Variants in PTRH1 observed in about 807,000 individuals in gnomAD.
PTRH1 encodes the protein peptidyl-tRNA hydrolase 1 homolog, also known as peptidyl-tRNA hydrolase.
PTRH1 carries 13 observed loss-of-function variants against 15.7 expected under a neutral mutation model. The observed-to-expected ratio is 0.83, with a 90% confidence interval of 0.54 to 1.31. The LOEUF (loss-of-function observed/expected upper bound fraction) is 1.31. PTRH1 is among the 40% of genes most tolerant of loss of function. The probability of loss-of-function intolerance (pLI) is 0.00; values close to 1 mark genes in which losing one functional copy is unlikely to be tolerated. For synonymous variants in PTRH1, 139 were observed against 136.7 expected, an observed-to-expected ratio of 1.02 and a Z score of -0.12; for missense variants, 319 against 296.2, an observed-to-expected ratio of 1.08 and a Z score of -0.56.
chr9:127,710,483 T>C, downstream of PTRH1: 1 of 1,282,272 alleles, frequency 7.8e-7, no homozygotes, highest in African/African-American at 1.5e-5. Flanking sequence ...CCTGCCCCAC[T>C]GAGACCACAC....
chr9:127,706,972 A>G, intron 1 of PTRH1: 10 of 1,591,818 alleles, frequency 6.3e-6, no homozygotes, highest in Non-Finnish European at 7.7e-6. Context: ...GTACGGGACC[A>G]GCTTCCTTAG....
chr9:127,700,574 C>T (rs761003331), intron 1 of PTRH1, among the ~76,000 whole-genome samples: 1 of 152,130 alleles, frequency 6.6e-6, no homozygotes, highest in African/African-American at 2.4e-5. Flanking sequence ...AAACAACAAC[C>T]GACCAGCATT....
At chr9:127,703,412 C>G (rs1264440924) in intron 1 of PTRH1, among the ~76,000 whole-genome samples, 2 of 151,808 alleles carry the variant, frequency 1.3e-5, no homozygotes, top group Non-Finnish European at 2.9e-5. Context: ...TACCACTGCA[C>G]TCCAGCCTGG....
downstream of PTRH1, chr9:127,712,796 A>G (rs2131592953): frequency 1.2e-6 from 2 of 1,614,202 alleles, no homozygotes; most frequent in South Asian, 2.2e-5. Flanking sequence ...GGTCATGCTC[A>G]GCTCCACTGT....
At chr9:127,710,295 A>C (rs76179382), downstream of PTRH1, among the ~76,000 whole-genome samples, 60 of 152,090 alleles carry the variant, frequency 3.9e-4, 1 homozygote, top group Middle Eastern at 3.4e-3. Flanking sequence ...AAAAAAAAAA[A>C]AAAACAAAAC....
chr9:127,695,739 C>A (rs1842554935), intron 1 of PTRH1: 1 of 152,232 alleles, frequency 6.6e-6, no homozygotes, highest in Admixed American at 6.5e-5. Flanking sequence ...AAAACAGTTT[C>A]TTTTAAGTTT....
intron 1 of PTRH1, among the ~76,000 whole-genome samples, chr9:127,707,808 G>C (rs117974917): frequency 2.6e-5 from 4 of 152,158 alleles, no homozygotes; most frequent in Non-Finnish European, 4.4e-5. Flanking sequence ...TTTCCTCCCC[G>C]TTGTGAGGCA....
chr9:127,712,397 G>C (rs373600639), downstream of PTRH1: 9 of 1,601,326 alleles, frequency 5.6e-6, no homozygotes, highest in African/African-American at 2.7e-5. Context: ...GGGAGTGAGC[G>C]CAAGATGGAA....
intron 2 of PTRH1, among the ~76,000 whole-genome samples, chr9:127,694,159 T>G (rs2131571971): frequency 6.6e-6 from 1 of 152,102 alleles, no homozygotes; most frequent in Non-Finnish European, 1.5e-5. Context: ...CTTGAACTCC[T>G]AGGCTCAAGC....
At position 127,715,152 on chromosome 9, in the gene PTRH1, T is replaced by C. The variant is rs1206456227; in HGVS notation, c.139A>G (p.Ser47Gly). The C allele has an allele frequency of 6.5e-7, 1 of 1,535,864 alleles. No homozygotes were observed. Among genetic ancestry groups the C allele is most frequent in the Admixed American group, 1.9e-5 (1 of 51,344 alleles). The change falls in exon 2 of 5, where the codon AGC (serine) becomes GGC (glycine). Residue 47 changes from serine (S) to glycine (G), a missense_variant. Ser to Gly is a moderately conservative substitution (Grantham distance 56). Coordinates refer to ENST00000543175, the MANE Select transcript of PTRH1 (RefSeq NM_001002913.3). This position sits in a 1 kb window ranked among gnomAD's most constrained non-coding sequence, Gnocchi z 5.8. ...GNPGLPGTRH[S>G]VGMAVLGQLA... ...TGCCCCAGCACCGCCATGCCCACGC[T>C]GTGTCGCGTGCCGGGCAGTCCGGGA...
At chr9:127,712,915 G>A (rs763615745), downstream of PTRH1, 8 of 1,594,228 alleles carry the variant, frequency 5.0e-6, no homozygotes, top group South Asian at 1.1e-5. Context: ...GGCAGCCACA[G>A]AGAGCAGGGC....
chr9:127,713,178 G>A (rs761600893), downstream of PTRH1: 3 of 1,569,376 alleles, frequency 1.9e-6, no homozygotes, highest in Non-Finnish European at 2.6e-6. Flanking sequence ...ACCCGTGTGG[G>A]GACCTTCCGG....
At chr9:127,712,870 G>A, downstream of PTRH1, 1 of 1,610,198 alleles carries the variant, frequency 6.2e-7, no homozygotes, top group Non-Finnish European at 8.5e-7. Flanking sequence ...GCCCACCCAA[G>A]GAGAGGTAAG....
intron 1 of PTRH1, among the ~76,000 whole-genome samples, chr9:127,700,518 G>C (rs887620344): frequency 2.0e-5 from 3 of 152,130 alleles, no homozygotes; most frequent in Non-Finnish European, 4.4e-5. Flanking sequence ...TGATGAGATG[G>C]GGGGGTCAGA....
chr9:127,713,168 A>T (rs1842808068), downstream of PTRH1: 1 of 1,587,112 alleles, frequency 6.3e-7, no homozygotes, highest in Non-Finnish European at 8.6e-7. Flanking sequence ...GTCATATATC[A>T]CCCGTGTGGG....
At chr9:127,710,459 T>A (rs575402741), downstream of PTRH1, 6 of 938,222 alleles carry the variant, frequency 6.4e-6, no homozygotes, top group Middle Eastern at 3.4e-4. Flanking sequence ...GCAGGGTAGG[T>A]GGGGGATGGT....
chr9:127,707,293 T>C (rs1842668390), intron 1 of PTRH1: 1 of 1,297,024 alleles, frequency 7.7e-7, no homozygotes, highest in African/African-American at 1.5e-5. Flanking sequence ...GCCTGTGTTC[T>C]GACCTCCCCT....
At chr9:127,703,682 G>C (rs1029777894) in intron 1 of PTRH1, among the ~76,000 whole-genome samples, 2 of 152,190 alleles carry the variant, frequency 1.3e-5, no homozygotes, top group African/African-American at 4.8e-5. Context: ...CCCAAACTGG[G>C]GGAGGGACCT....
At chr9:127,702,705 ATTATT>A in intron 1 of PTRH1, among the ~76,000 whole-genome samples, 1 of 150,940 alleles carries the variant, frequency 6.6e-6, no homozygotes. Context: ...AACGTTTGTC[ATTATT>A]TTTCTTTTTT....
Sources: gnomAD v4.1 joint callset for allele counts (sites outside exome capture counted in the v4.1 genomes callset) on GRCh38, gnomAD v4.1.1 for gene constraint, Gnocchi (gnomAD v3.1) non-coding constraint, MANE v1.5 for transcripts, NCBI Gene and HGNC (gene_info 2026-07-23, HGNC 2026-07-21) for gene names.